Variants in PPM1E observed in about 807,000 individuals in gnomAD.
PPM1E encodes protein phosphatase 1E.
In PPM1E, 20 loss-of-function variants were observed where a neutral mutation model predicts 65.9. The ratio of observed to expected loss-of-function variants is 0.30; its 90% confidence interval spans 0.21 to 0.44. PPM1E has a LOEUF of 0.44. Among genes scored for constraint, PPM1E ranks in the 20% least tolerant of loss-of-function variants. The probability of loss-of-function intolerance (pLI) is 1.00; values close to 1 mark genes in which losing one functional copy is unlikely to be tolerated. For missense variants in PPM1E, 713 were observed against 953.1 expected (o/e 0.75, Z 3.32); for synonymous variants, 352 against 374.9 (o/e 0.94, Z 0.70).
At chr17:58,959,667 TAAA>T (rs76110788) in intron 2 of PPM1E, among the ~76,000 whole-genome samples, 5 of 115,202 alleles carry the variant, frequency 4.3e-5, no homozygotes, top group Admixed American at 1.8e-4. Context: ...GCACCCAGCC[TAAA>T]AAAAAAAAAA....
Position 58,981,606 on chromosome 17 carries a change from T to C in PPM1E, c.*575T>C, listed in dbSNP as rs1414733392. 1 of 152,650 alleles carries C rather than the reference T, an allele frequency of 6.6e-6. No homozygotes were observed. The highest frequency in any genetic ancestry group is 1.9e-4 in the East Asian group (1 of 5,202). The allele number at this position is 152,650 out of a possible 1,614,324, so 9.5% of individuals were successfully genotyped here. On this transcript the variant is annotated 3_prime_UTR_variant, in exon 7 of 7. Transcript: ENST00000308249. ...GTGGTAAATCAGTGTAAAAGTGTCATATTCTCAGACTTGTGAGGCGGTTTA... is the reference window on the plus strand; with the variant it reads ...GTGGTAAATCAGTGTAAAAGTGTCACATTCTCAGACTTGTGAGGCGGTTTA...
chr17:58,772,148 A>G (rs1243643150), intron 1 of PPM1E, among the ~76,000 whole-genome samples: 1 of 152,148 alleles, frequency 6.6e-6, no homozygotes, highest in Non-Finnish European at 1.5e-5. Context: ...TCTGTACAGT[A>G]TACTGATTAG....
chr17:58,934,181 G>A (rs1426195764), intron 1 of PPM1E, among the ~76,000 whole-genome samples: 1 of 151,944 alleles, frequency 6.6e-6, no homozygotes, highest in Non-Finnish European at 1.5e-5. Context: ...GAAGAATGGG[G>A]AAGCGTCTTT....
chr17:58,960,128 T>G (rs1219464224), intron 2 of PPM1E, among the ~76,000 whole-genome samples: 1 of 152,226 alleles, frequency 6.6e-6, no homozygotes, highest in East Asian at 1.9e-4. Flanking sequence ...TCAAGTGATC[T>G]CAACAGAACC....
intron 1 of PPM1E, among the ~76,000 whole-genome samples, chr17:58,771,116 A>G (rs1323144816): frequency 6.6e-6 from 1 of 151,586 alleles, no homozygotes; most frequent in Non-Finnish European, 1.5e-5. Context: ...TGGCCTCCCA[A>G]AGTGCTGGGA....
At chr17:58,767,934 G>A (rs970329249) in intron 1 of PPM1E, among the ~76,000 whole-genome samples, 3 of 151,626 alleles carry the variant, frequency 2.0e-5, no homozygotes, top group Admixed American at 6.6e-5. Flanking sequence ...GAGCCACCAC[G>A]CCCAGCCTAA....
At chr17:58,875,680 C>G (rs1165147683) in intron 1 of PPM1E, among the ~76,000 whole-genome samples, 1 of 152,038 alleles carries the variant, frequency 6.6e-6, no homozygotes, top group Non-Finnish European at 1.5e-5. Context: ...TTAAATACTC[C>G]TGTGATTCAC....
chr17:58,919,527 T>G (rs1362594609), intron 1 of PPM1E, among the ~76,000 whole-genome samples: 1 of 152,190 alleles, frequency 6.6e-6, no homozygotes, highest in Non-Finnish European at 1.5e-5. Flanking sequence ...GGCTCACACC[T>G]GTAATCCCAG....
rs1202341345 is a variant in PPM1E, at chr17:58,756,365, C to T, written c.368C>T (p.Pro123Leu). The change falls in exon 1 of 7, where the codon CCT becomes CTT. Residue 123 changes from proline to leucine, a missense_variant. By Grantham distance (98) the Pro-to-Leu change is moderately conservative. Transcript: ENST00000308249. The stretch of plus-strand genomic sequence containing the variant: ...CCGCCGCCGCCGCCCCAGCTGCCGC[C>T]TTTGCCCCCGCTCCCGCGACCGCTG... ...AVPPPPPQLPPLPPLPRPLSE... is the reference protein window; with the variant it reads ...AVPPPPPQLPLLPPLPRPLSE... 12 of 1,377,008 alleles carry T rather than the reference C, an allele frequency of 8.7e-6. No individual in the cohort carries two copies. Among genetic ancestry groups the T allele is most frequent in the Middle Eastern group, 2.7e-4 (1 of 3,694 alleles). 85.3% of individuals were successfully genotyped at this position (1,377,008 alleles called of 1,614,324 possible).
intron 1 of PPM1E, among the ~76,000 whole-genome samples, chr17:58,824,840 C>A (rs903816361): frequency 1.3e-5 from 2 of 151,426 alleles, no homozygotes; most frequent in African/African-American, 4.9e-5. Flanking sequence ...AATCTCCTGA[C>A]CTCGTGATCC....
chr17:58,767,685 C>T (rs2049894518), intron 1 of PPM1E, among the ~76,000 whole-genome samples: 1 of 152,114 alleles, frequency 6.6e-6, no homozygotes, highest in Non-Finnish European at 1.5e-5. Context: ...TCTTGTTGCT[C>T]AGGCTGGAGT....
At chr17:58,843,010 CGCTGGGTG>C (rs2050734916) in intron 1 of PPM1E, among the ~76,000 whole-genome samples, 1 of 151,388 alleles carries the variant, frequency 6.6e-6, no homozygotes, top group Admixed American at 6.6e-5. Context: ...ACAGGCCGGG[CGCTGGGTG>C]GCTCATGCCT....
chr17:58,834,701 G>T (rs952273550), intron 1 of PPM1E, among the ~76,000 whole-genome samples: 16 of 152,172 alleles, frequency 1.1e-4, no homozygotes. Flanking sequence ...TTGGTTGTCT[G>T]TACAAGTGTG....
At chr17:58,947,643 C>G (rs1161146188) in intron 1 of PPM1E, among the ~76,000 whole-genome samples, 1 of 151,492 alleles carries the variant, frequency 6.6e-6, no homozygotes, top group African/African-American at 2.4e-5. Context: ...ACAGATTTTG[C>G]CATTTCTCTT....
chr17:58,899,048 A>G (rs892888418), intron 1 of PPM1E, among the ~76,000 whole-genome samples: 2 of 152,032 alleles, frequency 1.3e-5, no homozygotes, highest in African/African-American at 4.8e-5. Flanking sequence ...TAGGAGAAAT[A>G]CCTAATGTAA....
intron 1 of PPM1E, among the ~76,000 whole-genome samples, chr17:58,947,767 A>G (rs1347591063): frequency 7.2e-5 from 11 of 152,166 alleles, no homozygotes; most frequent in Admixed American, 7.2e-4. Flanking sequence ...ATTATTTATT[A>G]TGCTCACAAT....
At chr17:58,870,751 A>C (rs2051060222) in intron 1 of PPM1E, among the ~76,000 whole-genome samples, 1 of 152,222 alleles carries the variant, frequency 6.6e-6, no homozygotes, top group African/African-American at 2.4e-5. Context: ...TTACATGAAG[A>C]TGTGCCGTAA....
chr17:58,965,945 C>CT, intron 3 of PPM1E, 52 bp downstream of exon 3: 1 of 1,523,220 alleles, frequency 6.6e-7, no homozygotes, highest in Non-Finnish European at 9.1e-7. Flanking sequence ...AAACAAACAC[C>CT]TTCATGGTCC....
intron 1 of PPM1E, among the ~76,000 whole-genome samples, chr17:58,805,627 G>A (rs962266775): frequency 2.0e-5 from 3 of 151,734 alleles, no homozygotes; most frequent in Non-Finnish European, 2.9e-5. Context: ...ACACAGATTC[G>A]CTTCTATATA....
Sources: gnomAD v4.1 joint callset for allele counts (sites outside exome capture counted in the v4.1 genomes callset) on GRCh38, gnomAD v4.1.1 for gene constraint, MANE v1.5 for transcripts, NCBI Gene and HGNC (gene_info 2026-07-23, HGNC 2026-07-21) for gene names.